The following MAP3K13 variants were observed in gnomAD, a reference collection of about 807,000 sequenced individuals.
MAP3K13 encodes leucine zipper-bearing kinase.
Under a neutral mutation model 104.0 loss-of-function variants are expected in MAP3K13, and 52 were observed. The ratio of observed to expected loss-of-function variants is 0.50; its 90% confidence interval spans 0.40 to 0.63. The LOEUF (loss-of-function observed/expected upper bound fraction) is 0.63, where lower values mean the gene tolerates loss of function less well. MAP3K13 is among the 20% of genes least tolerant of loss of function. The pLI, the probability that MAP3K13 is intolerant of heterozygous loss-of-function variation, is 0.00. For synonymous variants in MAP3K13, 394 were observed against 442.2 expected, an observed-to-expected ratio of 0.89 and a Z score of 1.37; for missense variants, 914 against 1,218.5, an observed-to-expected ratio of 0.75 and a Z score of 3.72.
At chr3:185,446,280 G>A (rs571896885) in intron 4 of MAP3K13, among the ~76,000 whole-genome samples, 12 of 150,562 alleles carry the variant, frequency 8.0e-5, no homozygotes, top group South Asian at 6.3e-4. Flanking sequence ...TTTTGAGATG[G>A]GGTCTCGCTC....
intron 1 of MAP3K13, among the ~76,000 whole-genome samples, chr3:185,380,944 TTTTG>T (rs1482224768): frequency 4.1e-5 from 6 of 145,732 alleles, no homozygotes; most frequent in South Asian, 2.2e-4. Context: ...AAGAAGGTTT[TTTTG>T]TTTTTTTTTT....
intron 2 of MAP3K13, among the ~76,000 whole-genome samples, chr3:185,351,227 A>G (rs1045561970): frequency 1.3e-5 from 2 of 152,210 alleles, no homozygotes; most frequent in African/African-American, 4.8e-5. Flanking sequence ...ATGCAGACTG[A>G]AAAACTACCT....
intron 2 of MAP3K13, among the ~76,000 whole-genome samples, chr3:185,300,441 T>C (rs1721063708): frequency 1.3e-5 from 2 of 152,090 alleles, no homozygotes; most frequent in South Asian, 4.1e-4. Flanking sequence ...CCCAAAGTGC[T>C]GGGATTACAG....
intron 2 of MAP3K13, among the ~76,000 whole-genome samples, chr3:185,430,315 T>A (rs1380302455): frequency 1.3e-5 from 2 of 152,266 alleles, no homozygotes; most frequent in Admixed American, 6.5e-5. Context: ...CTCATTTTTT[T>A]AAACTTTTAT....
chr3:185,356,924 G>A (rs980519526), intron 2 of MAP3K13, among the ~76,000 whole-genome samples: 3 of 151,754 alleles, frequency 2.0e-5, no homozygotes, highest in East Asian at 1.9e-4. Context: ...GTATTGAGAC[G>A]GAGTCTCGCT....
At chr3:185,316,597 C>T (rs1378016390) in intron 2 of MAP3K13, among the ~76,000 whole-genome samples, 1 of 152,116 alleles carries the variant, frequency 6.6e-6, no homozygotes, top group Admixed American at 6.6e-5. Flanking sequence ...GCCAAGATCA[C>T]ACCATTACAC....
intron 2 of MAP3K13, chr3:185,329,140 G>C: frequency 3.0e-6 from 2 of 676,772 alleles, no homozygotes; most frequent in South Asian, 1.6e-5. Flanking sequence ...TAATGGAAAA[G>C]AAAGCCGTGA....
Position 185,381,866 on chromosome 3 carries a change from A to T in MAP3K13, c.-86+18498A>T, listed in dbSNP as rs563331845. Among the ~76,000 whole-genome samples the T allele has an allele frequency of 6.8e-4, 103 of 152,364 alleles. 1 individual carries two copies. Among genetic ancestry groups the T allele is most frequent in the African/African-American group, 2.5e-3 (102 of 41,590 alleles). ...CAGTTGACAAGCATGTTGTGACCAG[A>T]GGCTTACAGAAACCTAACCCTATAC... is the stretch of plus-strand genomic sequence containing the variant. On this transcript the variant is annotated intron_variant, in intron 1 of 13. Transcript: ENST00000265026.
rs780120788 is a variant in MAP3K13, at chr3:185,428,872, G to A, written c.291G>A (p.Val97=). The change falls in exon 2 of 14, where the codon GTG becomes GTA. Residue 97 remains valine, a synonymous_variant. Transcript: ENST00000265026. ...AACACGATGAATCAGAGACGGCGGT[G>A]TCTCAGGGGAACAGCAACACGGTGG... ...LREHDESETA[V]SQGNSNTVDG... is the part of the protein sequence containing the mutation. 11 of 1,614,204 alleles carry A rather than the reference G, an allele frequency of 6.8e-6. No homozygotes were observed. The highest frequency in any genetic ancestry group is 9.3e-6 in the Non-Finnish European group (11 of 1,180,046).
intron 1 of MAP3K13, among the ~76,000 whole-genome samples, chr3:185,367,402 A>T (rs1156635227): frequency 1.3e-5 from 2 of 152,196 alleles, no homozygotes; most frequent in Non-Finnish European, 2.9e-5. Flanking sequence ...AGAGACTTTC[A>T]GAATCAGGAA....
intron 9 of MAP3K13, 100 bp from the exon 10 acceptor site, chr3:185,466,726 A>T (rs1717455244): frequency 7.2e-7 from 1 of 1,386,040 alleles, no homozygotes; most frequent in Admixed American, 1.7e-5. Flanking sequence ...TCAAATAGCT[A>T]AATGTGGCAG....
At chr3:185,459,258 A>G (rs1716952269) in intron 7 of MAP3K13, among the ~76,000 whole-genome samples, 2 of 152,138 alleles carry the variant, frequency 1.3e-5, no homozygotes. Flanking sequence ...GTGCCCAGAA[A>G]GGGTTGGACT....
chr3:185,416,641 A>G (rs1577530837), intron 1 of MAP3K13, among the ~76,000 whole-genome samples: 1 of 152,152 alleles, frequency 6.6e-6, no homozygotes, highest in Middle Eastern at 3.4e-3. Flanking sequence ...TAATAGCACT[A>G]TTTTTTTGAG....
rs571344854 is a variant in MAP3K13 at position 185,423,187 on chromosome 3, A to G, written c.-85-5310A>G. The stretch of plus-strand genomic sequence containing the variant: ...ATTACAATGTAATTATAATAGAAAT[A>G]AAGTACACAATACATGTAATGCACT... On this transcript the variant is annotated intron_variant, in intron 1 of 13. Transcript: ENST00000265026. This position sits in a 1 kb window ranked among gnomAD's most constrained non-coding sequence, Gnocchi z 4.1. Among the ~76,000 whole-genome samples, 1 of 152,342 alleles carries G rather than the reference A, an allele frequency of 6.6e-6. No individual in the cohort carries two copies. The highest frequency in any genetic ancestry group is 2.4e-5 in the African/African-American group (1 of 41,586).
chr3:185,437,000 CAAAAAAAAAA>C lies in MAP3K13; in HGVS notation c.476-424_476-415del, dbSNP rs58819806. On this transcript the variant is annotated intron_variant, in intron 2 of 13. Transcript: ENST00000265026. ...TGGGTGACAGAGCAAGACTCTGTCT[CAAAAAAAAAA>C]AAAAAAAAAAAAAAAAAAAAAATTA... is the stretch of plus-strand genomic sequence containing the variant. 8.1e-4 allele frequency among the ~76,000 whole-genome samples: 30 copies of C among 36,960 alleles called. No individual in the cohort carries two copies. The East Asian group carries it at 0.021, about 26-fold the overall frequency. 24.2% of individuals were successfully genotyped at this position (36,960 alleles called of 152,430 possible).
chr3:185,443,466 A>G lies in MAP3K13; in HGVS notation c.681A>G (p.Pro227=), dbSNP rs1715433902. ...GAAGGGGTGTTTGTACTCAGGCCCC[A>G]TGTTATTGTATTATCATGGAATACT... ...IAFKGVCTQA[P]CYCIIMEYCA... is the part of the protein sequence containing the mutation. The change falls in exon 4 of 14, where the codon CCA becomes CCG. Residue 227 remains proline, a synonymous_variant. Coordinates refer to ENST00000265026, the MANE Select transcript of MAP3K13 (RefSeq NM_004721.5). 1.9e-6 allele frequency: 3 copies of G among 1,613,500 alleles called. No homozygotes were observed. The highest frequency in any genetic ancestry group is 2.5e-6 in the Non-Finnish European group (3 of 1,179,560).
At chr3:185,421,142 C>G (rs1334550507) in intron 1 of MAP3K13, among the ~76,000 whole-genome samples, 2 of 151,848 alleles carry the variant, frequency 1.3e-5, no homozygotes, top group African/African-American at 4.8e-5. Flanking sequence ...CTTTCTTTTT[C>G]TTTTTTCTTT....
chr3:185,432,443 G>C (rs1437970995), intron 2 of MAP3K13, among the ~76,000 whole-genome samples: 5 of 151,916 alleles, frequency 3.3e-5, no homozygotes, highest in Admixed American at 6.6e-5. Flanking sequence ...TACCTGCCTC[G>C]GCCTTCCAAA....
At chr3:185,317,849 T>A (rs919383506) in intron 2 of MAP3K13, among the ~76,000 whole-genome samples, 1 of 152,158 alleles carries the variant, frequency 6.6e-6, no homozygotes, top group Non-Finnish European at 1.5e-5. Context: ...AGATACTACT[T>A]GGCATACCAT....
Sources: gnomAD v4.1 joint callset for allele counts (sites outside exome capture counted in the v4.1 genomes callset) on GRCh38, gnomAD v4.1.1 for gene constraint, Gnocchi (gnomAD v3.1) non-coding constraint, MANE v1.5 for transcripts, NCBI Gene and HGNC (gene_info 2026-07-23, HGNC 2026-07-21) for gene names.